The following NAA30 variants were observed in gnomAD, a reference collection of about 807,000 sequenced individuals.
The protein encoded by NAA30 is N-alpha-acetyltransferase 30, NatC catalytic subunit, also known as N-alpha-acetyltransferase 30.
Under a neutral mutation model 31.4 loss-of-function variants are expected in NAA30, and 5 were observed. The ratio of observed to expected loss-of-function variants is 0.16; its 90% CI spans 0.08 to 0.33. NAA30 has a LOEUF of 0.33. NAA30 is among the 10% of genes least tolerant of loss of function. The pLI, the probability that NAA30 is intolerant of heterozygous loss-of-function variation, is 1.00. For missense variants in NAA30, 428 were observed against 490.8 expected (o/e 0.87, Z 1.21); for synonymous variants, 222 against 207.1 (o/e 1.07, Z -0.62).
Position 57,390,599 on chromosome 14 carries a change from C to T in NAA30, c.-108C>T. The T allele has an allele frequency of 6.8e-6, 2 of 294,048 alleles. No homozygotes were observed. The highest frequency in any genetic ancestry group is 1.3e-5 in the Non-Finnish European group (2 of 159,156). The allele number at this position is 294,048 out of a possible 1,614,324, so 18.2% of individuals were successfully genotyped here. ...CTGAGGCGCTTTACGGCGACGGCGG[C>T]TGAGTGAGAACCTTGGCGGCTGTGG... On this transcript the variant is annotated 5_prime_UTR_variant, in exon 1 of 5. Coordinates refer to ENST00000556492, the MANE Select transcript of NAA30 (RefSeq NM_001011713.3).
intron 3 of NAA30, among the ~76,000 whole-genome samples, chr14:57,399,051 C>T (rs1255863176): frequency 9.4e-5 from 14 of 149,088 alleles, no homozygotes; most frequent in Non-Finnish European, 1.5e-4. Flanking sequence ...TTAATAGAGA[C>T]GGGGTTTCAC....
chr14:57,397,366 G>A (rs917740830), intron 3 of NAA30, among the ~76,000 whole-genome samples: 6 of 152,122 alleles, frequency 3.9e-5, no homozygotes, highest in African/African-American at 1.2e-4. Context: ...ATTGTTTCTT[G>A]TAATTCCCAA....
intron 2 of NAA30, among the ~76,000 whole-genome samples, chr14:57,393,336 GCCTT>G (rs1419585962): frequency 6.6e-6 from 1 of 152,052 alleles, no homozygotes; most frequent in Non-Finnish European, 1.5e-5. Flanking sequence ...GTGTATGTTA[GCCTT>G]TAGTAGCTCA....
chr14:57,406,037 T>G (rs2066496964), intron 4 of NAA30, among the ~76,000 whole-genome samples: 1 of 152,214 alleles, frequency 6.6e-6, no homozygotes, highest in African/African-American at 2.4e-5. Flanking sequence ...TCTTTTAATA[T>G]GTTTATAAGA....
intron 4 of NAA30, among the ~76,000 whole-genome samples, chr14:57,401,542 T>G (rs1042233629): frequency 6.6e-6 from 1 of 152,222 alleles, no homozygotes; most frequent in South Asian, 2.1e-4. Flanking sequence ...CCACACTGCT[T>G]GTCAGCTCAT....
chr14:57,399,766 T>C, intron 3 of NAA30, 62 bp from the exon 4 acceptor site: 2 of 884,116 alleles, frequency 2.3e-6, no homozygotes, highest in Non-Finnish European at 3.7e-6. Flanking sequence ...ACGAATATTA[T>C]AATTTAGGTT....
rs928901818 is a variant in NAA30 at position 57,398,685 on chromosome 14, C to T, written c.896-1143C>T. ...TCTCACTCTGTCGCCCAGGTTGGAGCGCAGTGGCATGATCTCGACTCACTG... is the reference window on the plus strand; with the variant it reads ...TCTCACTCTGTCGCCCAGGTTGGAGTGCAGTGGCATGATCTCGACTCACTG... On this transcript the variant is annotated intron_variant, in intron 3 of 4. Transcript: ENST00000556492. Among the ~76,000 whole-genome samples, 14 of 151,712 alleles carry T rather than the reference C, an allele frequency of 9.2e-5. No individual in the cohort carries two copies. In the East Asian group the frequency reaches 1.2e-3, roughly 13 times the overall value.
At position 57,391,844 on chromosome 14, in the gene NAA30, T is replaced by TA; in HGVS notation, c.771+117dup. 1.3e-6 allele frequency: 1 copy of TA among 785,680 alleles called. No homozygotes were observed. 48.7% of individuals were successfully genotyped at this position (785,680 alleles called of 1,614,324 possible). ...TCTCCTGCTGCGTATCATAGTACGT[T>TA]ATATGATGTCAAGTGCTGTACACAT... On this transcript the variant is annotated intron_variant, in intron 2 of 4. Transcript: ENST00000556492. The surrounding 1 kb of genome is among the most constrained non-coding windows in gnomAD (Gnocchi z 4.1).
intron 2 of NAA30, among the ~76,000 whole-genome samples, chr14:57,392,156 TGTG>T (rs965311020): frequency 1.3e-5 from 2 of 152,198 alleles, no homozygotes; most frequent in African/African-American, 4.8e-5. Context: ...ATAAACATGT[TGTG>T]GTGAACATGG....
chr14:57,392,494 A>C (rs1429703722), intron 2 of NAA30, among the ~76,000 whole-genome samples: 5 of 152,198 alleles, frequency 3.3e-5, no homozygotes, highest in African/African-American at 9.7e-5. Context: ...AATTGACAAT[A>C]ATATTACACG....
At position 57,412,540 on chromosome 14, in the gene NAA30, A is replaced by G. The variant is rs948195864; in HGVS notation, c.*3024A>G. 3 of 152,248 alleles carry G rather than the reference A, an allele frequency of 2.0e-5. No homozygotes were observed. The highest frequency in any genetic ancestry group is 1.9e-4 in the East Asian group (1 of 5,196). 9.4% of individuals were successfully genotyped at this position (152,248 alleles called of 1,614,324 possible). ...ACAGGGCTTTCAGGTTTGTAAAAAC[A>G]TAACCATAAATTATATTGACGTCAG... On this transcript the variant is annotated 3_prime_UTR_variant, in exon 5 of 5. Transcript: ENST00000556492.
rs1266339118 is a variant in NAA30, at chr14:57,411,623, GA to G, written c.*2109del. 1 of 152,096 alleles carries G rather than the reference GA, an allele frequency of 6.6e-6. No individual in the cohort carries two copies. Among genetic ancestry groups the G allele is most frequent in the Non-Finnish European group, 1.5e-5 (1 of 67,968 alleles). 9.4% of individuals were successfully genotyped at this position (152,096 alleles called of 1,614,324 possible). A position where few individuals can be genotyped will look rare whatever the true frequency, so the allele number is the denominator to read the frequency against. Reference sequence around the variant, plus strand: ...TTCCTCCAAAATTGCCAAATTGACTGAACTGGTTGGGTGTTTGTAAAGATGA... The same window carrying G: ...TTCCTCCAAAATTGCCAAATTGACTGACTGGTTGGGTGTTTGTAAAGATGA... On this transcript the variant is annotated 3_prime_UTR_variant, in exon 5 of 5. Transcript: ENST00000556492.
At position 57,391,860 on chromosome 14, in the gene NAA30, C is replaced by A; in HGVS notation, c.771+132C>A. 1 of 718,736 alleles carries A rather than the reference C, an allele frequency of 1.4e-6. No homozygotes were observed. Among genetic ancestry groups the A allele is most frequent in the Non-Finnish European group, 2.3e-6 (1 of 429,116 alleles). The allele number at this position is 718,736 out of a possible 1,614,324, so 44.5% of individuals were successfully genotyped here. A position where few individuals can be genotyped will look rare whatever the true frequency, so the allele number is the denominator to read the frequency against. ...ATAGTACGTTATATGATGTCAAGTG[C>A]TGTACACATTCCTAGTTATTTAATG... On this transcript the variant is annotated intron_variant, in intron 2 of 4. Coordinates refer to ENST00000556492, the MANE Select transcript of NAA30 (RefSeq NM_001011713.3). The surrounding 1 kb of genome is among the most constrained non-coding windows in gnomAD (Gnocchi z 4.1).
intron 4 of NAA30, among the ~76,000 whole-genome samples, chr14:57,400,419 C>T (rs555425273): frequency 3.9e-4 from 60 of 152,194 alleles, no homozygotes; most frequent in African/African-American, 1.4e-3. Context: ...TCCTACTGCA[C>T]GGTGTTTCTA....
chr14:57,408,860 A>T (rs2066510929), intron 4 of NAA30, among the ~76,000 whole-genome samples: 1 of 152,234 alleles, frequency 6.6e-6, no homozygotes, highest in African/African-American at 2.4e-5. Flanking sequence ...TTATTTACAA[A>T]ACAGCAGGCA....
rs2066527784 is a variant in NAA30 at position 57,412,435 on chromosome 14, A to G, written c.*2919A>G. ...ATGAAGTTCATCACTTTTCAGGAGTATAGATAAAATCAAATTGGTAGTACA... is the reference window on the plus strand; with the variant it reads ...ATGAAGTTCATCACTTTTCAGGAGTGTAGATAAAATCAAATTGGTAGTACA... On this transcript the variant is annotated 3_prime_UTR_variant, in exon 5 of 5. Transcript: ENST00000556492. The G allele has an allele frequency of 6.6e-6, 1 of 152,190 alleles. No homozygotes were observed. Among genetic ancestry groups the G allele is most frequent in the Non-Finnish European group, 1.5e-5 (1 of 68,020 alleles). The allele number at this position is 152,190 out of a possible 1,614,324, so 9.4% of individuals were successfully genotyped here.
intron 2 of NAA30, among the ~76,000 whole-genome samples, chr14:57,394,126 AAAG>A (rs2066441286): frequency 6.6e-6 from 1 of 151,794 alleles, no homozygotes; most frequent in African/African-American, 2.4e-5. Context: ...AAAAAAAAAA[AAAG>A]GACAAATGTG....
At chr14:57,392,753 T>C (rs1318780107) in intron 2 of NAA30, among the ~76,000 whole-genome samples, 1 of 152,232 alleles carries the variant, frequency 6.6e-6, no homozygotes, top group African/African-American at 2.4e-5. Context: ...TTACTTAATG[T>C]TTTAGCATTG....
At chr14:57,404,855 A>G (rs928749252) in intron 4 of NAA30, among the ~76,000 whole-genome samples, 1 of 152,224 alleles carries the variant, frequency 6.6e-6, no homozygotes, top group Non-Finnish European at 1.5e-5. Flanking sequence ...CCCATGATTT[A>G]GAGACTCCCA....
Sources: gnomAD v4.1 joint callset for allele counts (sites outside exome capture counted in the v4.1 genomes callset) on GRCh38, gnomAD v4.1.1 for gene constraint, Gnocchi (gnomAD v3.1) non-coding constraint, MANE v1.5 for transcripts, NCBI Gene and HGNC (gene_info 2026-07-23, HGNC 2026-07-21) for gene names.